The following MARK3 variants were observed in gnomAD, a reference collection of about 807,000 sequenced individuals.
MARK3 encodes MAP/microtubule affinity-regulating kinase 3.
In MARK3, 46 loss-of-function variants were observed where a neutral mutation model predicts 90.1. The ratio of observed to expected loss-of-function variants is 0.51; its 90% confidence interval spans 0.40 to 0.65. MARK3 has a LOEUF of 0.65. Among genes scored for constraint, MARK3 ranks in the 30% least tolerant of loss-of-function variants. The pLI, the probability that MARK3 is intolerant of heterozygous loss-of-function variation, is 0.00. For missense variants in MARK3, 818 were observed against 947.2 expected, an observed-to-expected ratio of 0.86 and a Z score of 1.79; for synonymous variants, 321 against 332.6, an observed-to-expected ratio of 0.97 and a Z score of 0.38.
At chr14:103,440,104 T>A (rs2092814163) in intron 3 of MARK3, among the ~76,000 whole-genome samples, 2 of 152,234 alleles carry the variant, frequency 1.3e-5, no homozygotes, top group African/African-American at 4.8e-5. Context: ...TTCTTTTACC[T>A]ACATTGTGTT....
intron 2 of MARK3, among the ~76,000 whole-genome samples, chr14:103,410,141 A>G (rs2091545492): frequency 6.6e-6 from 1 of 152,214 alleles, no homozygotes; most frequent in African/African-American, 2.4e-5. Context: ...CTGTAACACA[A>G]TACCAGGGAC....
chr14:103,466,297 A>G, intron 9 of MARK3, 46 bp from the exon 10 acceptor site: 1 of 1,406,368 alleles, frequency 7.1e-7, no homozygotes, highest in South Asian at 1.2e-5. Flanking sequence ...TACGGTTATC[A>G]GAATATTTCA....
At chr14:103,461,851 A>C (rs1465964628) in intron 6 of MARK3, among the ~76,000 whole-genome samples, 1 of 152,106 alleles carries the variant, frequency 6.6e-6, no homozygotes, top group Non-Finnish European at 1.5e-5. Flanking sequence ...AGCCTGGCCA[A>C]CGTGGTGAAA....
intron 11 of MARK3, chr14:103,467,472 C>T (rs1166858954): frequency 4.8e-6 from 1 of 210,334 alleles, no homozygotes; most frequent in African/African-American, 2.3e-5. Flanking sequence ...CGAGACCAGA[C>T]TGGCCAACAT....
chr14:103,420,622 A>G (rs913278354), intron 2 of MARK3, among the ~76,000 whole-genome samples: 3 of 152,186 alleles, frequency 2.0e-5, no homozygotes, highest in Non-Finnish European at 2.9e-5. Context: ...GACATCAACT[A>G]TATGTACATT....
chr14:103,444,193 C>T (rs1188446842), intron 3 of MARK3, among the ~76,000 whole-genome samples: 1 of 151,114 alleles, frequency 6.6e-6, no homozygotes, highest in Non-Finnish European at 1.5e-5. Context: ...TGACAACCCC[C>T]AGGTCTTGGC....
intron 14 of MARK3, among the ~76,000 whole-genome samples, chr14:103,482,093 C>T (rs1021765289): frequency 2.6e-5 from 4 of 151,906 alleles, no homozygotes; most frequent in African/African-American, 9.7e-5. Flanking sequence ...AGTCTACTCT[C>T]TGGTAGATTT....
At chr14:103,428,652 A>G (rs555337955) in intron 3 of MARK3, among the ~76,000 whole-genome samples, 1 of 152,278 alleles carries the variant, frequency 6.6e-6, no homozygotes, top group East Asian at 1.9e-4. Context: ...AACAGCACAA[A>G]CTAAAGGCTG....
At position 103,450,485 on chromosome 14, in the gene MARK3, A is replaced by G. The variant is rs558825432; in HGVS notation, c.347-1433A>G. Among the ~76,000 whole-genome samples the G allele has an allele frequency of 1.5e-4, 23 of 152,344 alleles. No homozygotes were observed. In the South Asian group the frequency reaches 4.8e-3, roughly 32 times the overall value. On this transcript the variant is annotated intron_variant, in intron 4 of 17. Coordinates refer to ENST00000429436, the MANE Select transcript of MARK3 (RefSeq NM_001128918.3). ...TGACATATCTTTGATAATAAATTGA[A>G]CTTTTAAAAAATTCCTATTGCATTA...
Position 103,420,512 on chromosome 14 carries a change from T to C in MARK3, c.244-7875T>C, listed in dbSNP as rs572285653. Among the ~76,000 whole-genome samples the C allele has an allele frequency of 4.6e-5, 7 of 152,348 alleles. No homozygotes were observed. The East Asian group carries it at 1.3e-3, about 29-fold the overall frequency. On this transcript the variant is annotated intron_variant, in intron 2 of 17. Transcript: ENST00000429436. Reference sequence around the variant, plus strand: ...TCCCAAAGTGCTGGGATTAAAGGGATGAGCCACCACACCTGGCCAACACTT... The same window carrying C: ...TCCCAAAGTGCTGGGATTAAAGGGACGAGCCACCACACCTGGCCAACACTT...
intron 1 of MARK3, among the ~76,000 whole-genome samples, chr14:103,387,014 T>C (rs906011434): frequency 4.6e-5 from 7 of 152,232 alleles, no homozygotes; most frequent in Non-Finnish European, 1.0e-4. Flanking sequence ...TGTTTCAATC[T>C]AGTTGTTGAC....
intron 7 of MARK3, among the ~76,000 whole-genome samples, chr14:103,464,573 T>A (rs530565896): frequency 1.3e-5 from 2 of 152,200 alleles, no homozygotes; most frequent in East Asian, 3.9e-4. Flanking sequence ...GTGCTGTGAT[T>A]ACAGGCGTGA....
chr14:103,407,742 G>A (rs1320200459), intron 2 of MARK3, among the ~76,000 whole-genome samples: 2 of 151,700 alleles, frequency 1.3e-5, no homozygotes, highest in African/African-American at 4.8e-5. Flanking sequence ...TGTATTTTTA[G>A]TAGAGATGGG....
rs776353754 is a variant in MARK3, at chr14:103,503,048, C to T, written c.2083C>T (p.Arg695Cys). Residue 695 changes from arginine (R) to cysteine (C), a missense_variant, in exon 18 of 18, where the codon CGC becomes TGC. By Grantham distance (180) the Arg-to-Cys change is radical. Around this residue, in one of 3 missense-constraint regions of MARK3, gnomAD observed 560 missense variants for 613.5 expected, o/e 0.91. Coordinates refer to ENST00000429436, the MANE Select transcript of MARK3 (RefSeq NM_001128918.3). ...ANNCDYEQRE[R>C]FLLFCVHGDG... ...TAACTGCGACTATGAGCAGAGGGAG[C>T]GCTTCTTGCTCTTCTGCGTCCACGG... 7.4e-6 allele frequency: 12 copies of T among 1,614,214 alleles called. No homozygotes were observed. The highest frequency in any genetic ancestry group is 2.2e-5 in the South Asian group (2 of 91,086).
At chr14:103,465,843 A>G (rs1422894328) in intron 8 of MARK3, 50 bp downstream of exon 8, 3 of 1,560,398 alleles carry the variant, frequency 1.9e-6, no homozygotes, top group African/African-American at 2.7e-5. Flanking sequence ...GAAGTTTCCT[A>G]ATATTACATG....
chr14:103,429,581 G>A (rs2092517453), intron 3 of MARK3, among the ~76,000 whole-genome samples: 1 of 152,146 alleles, frequency 6.6e-6, no homozygotes, highest in Non-Finnish European at 1.5e-5. Flanking sequence ...CACTAAAAAT[G>A]TTATTTCAAC....
chr14:103,459,178 CAT>C (rs762509443), intron 6 of MARK3, among the ~76,000 whole-genome samples: 12 of 152,274 alleles, frequency 7.9e-5, no homozygotes, highest in Admixed American at 2.0e-4. Flanking sequence ...GACTTGCAAA[CAT>C]GTGTGAAGAT....
At chr14:103,423,466 C>T (rs1484328359) in intron 2 of MARK3, among the ~76,000 whole-genome samples, 2 of 152,164 alleles carry the variant, frequency 1.3e-5, no homozygotes, top group Non-Finnish European at 2.9e-5. Flanking sequence ...CAGCAAGTGG[C>T]TTTCTCACTT....
At position 103,491,843 on chromosome 14, in the gene MARK3, T is replaced by A. The variant is rs751851438; in HGVS notation, c.1653T>A (p.Asp551Glu). The A allele has an allele frequency of 6.2e-7, 1 of 1,614,146 alleles. No individual in the cohort carries two copies. Among genetic ancestry groups the A allele is most frequent in the Non-Finnish European group, 8.5e-7 (1 of 1,180,034 alleles). Residue 551 changes from aspartate to glutamate, a missense_variant, in exon 15 of 18, where the codon GAT becomes GAA. Around this residue, in one of 3 missense-constraint regions of MARK3, gnomAD observed 560 missense variants for 613.5 expected, o/e 0.91. Coordinates refer to ENST00000429436, the MANE Select transcript of MARK3 (RefSeq NM_001128918.3). Reference protein sequence around the residue: ...THSISSAATPDRIRFPRGTAS... With the variant: ...THSISSAATPERIRFPRGTAS... ...GTATCAGTAGTGCAGCCACCCCAGA[T>A]CGAATCCGCTTCCCAAGAGGCACTG...
Sources: allele counts gnomAD v4.1 joint callset (sites outside exome capture counted in the v4.1 genomes callset), GRCh38; gene constraint gnomAD v4.1.1; regional missense constraint gnomAD v4.1.1; transcripts MANE v1.5; gene names NCBI Gene and HGNC (gene_info 2026-07-23, HGNC 2026-07-21).